CLASP1: variants seen among roughly 807,000 people sequenced by gnomAD.
CLASP1 encodes cytoplasmic linker associated protein 1, also known as CLIP-associating protein 1.
CLASP1 carries 38 observed loss-of-function variants against 192.3 expected under a neutral mutation model. That is an observed-to-expected ratio of 0.20 (90% CI 0.15 to 0.26). CLASP1 has a LOEUF of 0.26. Among genes scored for constraint, CLASP1 ranks in the 10% least tolerant of loss-of-function variants. CLASP1 has a pLI of 1.00. For synonymous variants in CLASP1, 691 were observed against 712.8 expected, an observed-to-expected ratio of 0.97 and a Z score of 0.49; for missense variants, 1,433 against 1,932.5, an observed-to-expected ratio of 0.74 and a Z score of 4.85.
chr2:121,495,431 C>T (rs1401862044), intron 8 of CLASP1, among the ~76,000 whole-genome samples: 1 of 152,176 alleles, frequency 6.6e-6, no homozygotes, highest in African/African-American at 2.4e-5. Flanking sequence ...GAGGCTGAGG[C>T]GGGCAGATTG....
intron 25 of CLASP1, among the ~76,000 whole-genome samples, chr2:121,406,057 T>C (rs2076869742): frequency 6.6e-6 from 1 of 152,206 alleles, no homozygotes; most frequent in Middle Eastern, 3.2e-3. Context: ...CATTTCTTAA[T>C]TCCCATTCAC....
At chr2:121,377,375 C>G in intron 34 of CLASP1, 124 bp downstream of exon 35, 2 of 707,052 alleles carry the variant, frequency 2.8e-6, no homozygotes, top group Non-Finnish European at 4.5e-6. Flanking sequence ...AAAAGGAAAA[C>G]ATTATTTTAA....
intron 2 of CLASP1, 189 bp from the exon 3 acceptor site, chr2:121,530,514 C>G (rs1371947292): frequency 5.2e-6 from 3 of 572,712 alleles, no homozygotes; most frequent in Admixed American, 3.0e-5. Flanking sequence ...CTATGTACAG[C>G]TATAATGGAA....
intron 39 of CLASP1, among the ~76,000 whole-genome samples, chr2:121,342,463 G>C (rs985711273): frequency 1.3e-5 from 2 of 151,950 alleles, no homozygotes; most frequent in African/African-American, 4.8e-5. Flanking sequence ...ACAATTTTTG[G>C]GGATGCAGCA....
chr2:121,447,577 ATGT>A, intron 18 of CLASP1, 70 bp from the exon 19 acceptor site: 7 of 1,295,324 alleles, frequency 5.4e-6, no homozygotes, highest in Non-Finnish European at 7.4e-6. Context: ...CTAAAATCTG[ATGT>A]TGTTTTGCTT....
intron 32 of CLASP1, among the ~76,000 whole-genome samples, chr2:121,383,956 G>T (rs2072416582): frequency 6.9e-6 from 1 of 144,862 alleles, no homozygotes; most frequent in African/African-American, 2.6e-5. Flanking sequence ...ACTACTACTG[G>T]GTTGATAAAA....
At chr2:121,418,323 G>A (rs1014025543) in intron 23 of CLASP1, among the ~76,000 whole-genome samples, 55 of 152,306 alleles carry the variant, frequency 3.6e-4, no homozygotes, top group Admixed American at 9.1e-4. Context: ...AACTAACTTC[G>A]GCTGAGTTTT....
chr2:121,525,376 C>T (rs369223160), intron 6 of CLASP1, among the ~76,000 whole-genome samples: 1 of 152,060 alleles, frequency 6.6e-6, no homozygotes, highest in East Asian at 1.9e-4. Flanking sequence ...GAGGAGTTTC[C>T]ACGATGATAT....
chr2:121,448,260 C>T lies in CLASP1; in HGVS notation c.1741+16G>A, dbSNP rs1337044970. On this transcript the variant is annotated intron_variant, in intron 18 of 39. Transcript: ENST00000263710. The stretch of plus-strand genomic sequence containing the variant: ...CAGAGCGGAGAACAGGCCTTCTCCA[C>T]GGCTGTCAGTCTCACCTCTAGATGT... The T allele has an allele frequency of 6.8e-6, 11 of 1,611,532 alleles. No individual in the cohort carries two copies. Among genetic ancestry groups the T allele is most frequent in the Admixed American group, 6.7e-5 (4 of 60,006 alleles).
At chr2:121,561,807 A>C (rs2059113862) in intron 2 of CLASP1, among the ~76,000 whole-genome samples, 1 of 152,210 alleles carries the variant, frequency 6.6e-6, no homozygotes, top group African/African-American at 2.4e-5. Flanking sequence ...GGAAATGCCA[A>C]AGTTAGAGTT....
At chr2:121,515,611 C>T in intron 7 of CLASP1, 54 bp downstream of exon 7, 4 of 1,318,988 alleles carry the variant, frequency 3.0e-6, no homozygotes, top group Non-Finnish European at 4.3e-6. Flanking sequence ...AACTGGAAAA[C>T]AAAGGGGGCG....
chr2:121,531,018 GTT>G (rs1559535791), intron 2 of CLASP1: 1 of 700,124 alleles, frequency 1.4e-6, no homozygotes. Flanking sequence ...ATGAAAACCT[GTT>G]TTCATAGACT....
At chr2:121,628,970 CTCTT>C (rs2068928954) in intron 1 of CLASP1, among the ~76,000 whole-genome samples, 1 of 146,158 alleles carries the variant, frequency 6.8e-6, no homozygotes, top group South Asian at 2.2e-4. Flanking sequence ...ATTCTTTTTT[CTCTT>C]TCTTTGTTTT....
intron 39 of CLASP1, 112 bp from the exon 41 acceptor site, chr2:121,341,059 T>G: frequency 1.4e-6 from 1 of 719,716 alleles, no homozygotes; most frequent in Non-Finnish European, 2.5e-6. Flanking sequence ...CTTAGTTCCC[T>G]TGGTTGAGGA....
chr2:121,487,679 C>A (rs887026626), intron 8 of CLASP1, among the ~76,000 whole-genome samples: 1 of 152,150 alleles, frequency 6.6e-6, no homozygotes, highest in African/African-American at 2.4e-5. Context: ...GGGAGGAAGA[C>A]CACAGAGGTA....
intron 14 of CLASP1, among the ~76,000 whole-genome samples, chr2:121,453,885 G>C (rs960975694): frequency 6.6e-6 from 1 of 152,168 alleles, no homozygotes; most frequent in Admixed American, 6.5e-5. Flanking sequence ...TGCTTACACT[G>C]CTCTCTTAAG....
chr2:121,463,755 T>C (rs1162339583), intron 9 of CLASP1, among the ~76,000 whole-genome samples: 5 of 151,924 alleles, frequency 3.3e-5, no homozygotes, highest in African/African-American at 7.3e-5. Context: ...TGGGCTGATA[T>C]GTGCATAATC....
At chr2:121,382,881 G>A (rs185723657) in intron 32 of CLASP1, among the ~76,000 whole-genome samples, 1 of 152,356 alleles carries the variant, frequency 6.6e-6, no homozygotes, top group East Asian at 1.9e-4. Flanking sequence ...TTCAGAGACA[G>A]CACAAGCTGT....
chr2:121,644,942 A>G (rs1187469417), intron 1 of CLASP1, among the ~76,000 whole-genome samples: 1 of 150,346 alleles, frequency 6.7e-6, no homozygotes, highest in Non-Finnish European at 1.5e-5. Context: ...TGATCAACAG[A>G]GCAAAACTGT....
Sources: allele counts gnomAD v4.1 joint callset (sites outside exome capture counted in the v4.1 genomes callset), GRCh38; gene constraint gnomAD v4.1.1; transcripts MANE v1.5; gene names NCBI Gene and HGNC (gene_info 2026-07-23, HGNC 2026-07-21).